The following NCOA2 variants were observed in gnomAD, a reference collection of about 807,000 sequenced individuals.
NCOA2 encodes the protein class E basic helix-loop-helix protein 75.
Under a neutral mutation model 145.1 loss-of-function variants are expected in NCOA2, and 21 were observed. That is an observed-to-expected ratio of 0.14 (90% CI 0.10 to 0.21). NCOA2 has a LOEUF of 0.21. Among genes scored for constraint, NCOA2 ranks in the 10% least tolerant of loss-of-function variants. The pLI, the probability that NCOA2 is intolerant of heterozygous loss-of-function variation, is 1.00. For missense variants in NCOA2, 1,472 were observed against 1,837.6 expected, an observed-to-expected ratio of 0.80 and a Z score of 3.64; for synonymous variants, 619 against 637.5, an observed-to-expected ratio of 0.97 and a Z score of 0.44.
chr8:70,204,933 G>A (rs1220179552), intron 4 of NCOA2, among the ~76,000 whole-genome samples: 5 of 152,126 alleles, frequency 3.3e-5, no homozygotes, highest in South Asian at 2.1e-4. Context: ...GCTTGAACCC[G>A]GGAGGCAGAG....
intron 1 of NCOA2, among the ~76,000 whole-genome samples, chr8:70,317,858 G>C (rs528583523): frequency 4.2e-4 from 64 of 152,168 alleles, no homozygotes; most frequent in Admixed American, 1.4e-3. Context: ...CCAGGAATTC[G>C]AGGCTGCAGT....
intron 15 of NCOA2, among the ~76,000 whole-genome samples, chr8:70,133,393 T>C (rs1472870886): frequency 6.6e-6 from 1 of 152,010 alleles, no homozygotes; most frequent in Non-Finnish European, 1.5e-5. Flanking sequence ...TGGCTAATTT[T>C]TGTACATTTT....
chr8:70,331,831 A>C (rs1472462096), intron 1 of NCOA2, among the ~76,000 whole-genome samples: 1 of 152,198 alleles, frequency 6.6e-6, no homozygotes, highest in Non-Finnish European at 1.5e-5. Flanking sequence ...CAGTCCCAGC[A>C]AAGGCAGTAT....
At chr8:70,247,008 A>G (rs1822689037) in intron 2 of NCOA2, among the ~76,000 whole-genome samples, 1 of 152,198 alleles carries the variant, frequency 6.6e-6, no homozygotes, top group Admixed American at 6.5e-5. Context: ...AAAGTTATCT[A>G]TACAAAAAAT....
chr8:70,423,508 T>C, the NCOA2 span, among the ~76,000 whole-genome samples: 1 of 152,182 alleles, frequency 6.6e-6, no homozygotes, highest in Non-Finnish European at 1.5e-5. Context: ...TCCTCTGAAG[T>C]GCAGGAGATC....
At chr8:70,247,346 A>C (rs1822717196) in intron 2 of NCOA2, among the ~76,000 whole-genome samples, 1 of 152,212 alleles carries the variant, frequency 6.6e-6, no homozygotes. Flanking sequence ...TCATAATGAA[A>C]ACACAAAAAA....
At chr8:70,442,036 A>G in the NCOA2 span, among the ~76,000 whole-genome samples, 1 of 149,174 alleles carries the variant, frequency 6.7e-6, no homozygotes, top group Non-Finnish European at 1.5e-5. Flanking sequence ...GAGAAAAGAA[A>G]GAGAAAGAGA....
intron 1 of NCOA2, among the ~76,000 whole-genome samples, chr8:70,303,806 A>G (rs1328512757): frequency 6.6e-6 from 1 of 152,180 alleles, no homozygotes; most frequent in African/African-American, 2.4e-5. Flanking sequence ...GGGGGAAGAT[A>G]AGTTATTGGG....
In NCOA2 at chr8:70,174,940, T is replaced by A. The variant is rs2272671; in HGVS notation, c.260-81A>T. Reference sequence around the variant, plus strand: ...CACAGAAATGTTTTTACTGTAATGATTTTTAAAAATCTCTAGTGGGATCAG... The same window carrying A: ...CACAGAAATGTTTTTACTGTAATGAATTTTAAAAATCTCTAGTGGGATCAG... On this transcript the variant is annotated intron_variant, in intron 4 of 22. Transcript: ENST00000452400. 6.1e-6 allele frequency: 8 copies of A among 1,314,820 alleles called. No homozygotes were observed. In the East Asian group the frequency reaches 1.8e-4, roughly 30 times the overall value. 81.4% of individuals were successfully genotyped at this position (1,314,820 alleles called of 1,614,324 possible). A position where few individuals can be genotyped will look rare whatever the true frequency, so the allele number is the denominator to read the frequency against.
intron 1 of NCOA2, among the ~76,000 whole-genome samples, chr8:70,388,371 T>G (rs1812861629): frequency 6.6e-6 from 1 of 152,208 alleles, no homozygotes; most frequent in Non-Finnish European, 1.5e-5. Flanking sequence ...TCTTTAGGAT[T>G]CCTTTTCCCT....
At chr8:70,150,073 T>C (rs551731277) in intron 11 of NCOA2, among the ~76,000 whole-genome samples, 11 of 152,336 alleles carry the variant, frequency 7.2e-5, no homozygotes, top group Admixed American at 2.0e-4. Context: ...TTAGGAAGAA[T>C]AGAATGAAGT....
chr8:70,255,220 C>T (rs1563686342), intron 2 of NCOA2, among the ~76,000 whole-genome samples: 1 of 151,972 alleles, frequency 6.6e-6, no homozygotes, highest in African/African-American at 2.4e-5. Context: ...TGTTGTGTGC[C>T]CAAGGTTTCA....
chr8:70,280,937 A>G (rs1438603200), intron 2 of NCOA2, among the ~76,000 whole-genome samples: 2 of 151,994 alleles, frequency 1.3e-5, no homozygotes, highest in African/African-American at 4.8e-5. Context: ...AGAGCATGTC[A>G]CACGAGATAA....
At chr8:70,136,099 C>T (rs114609915) in intron 15 of NCOA2, among the ~76,000 whole-genome samples, 1,813 of 152,238 alleles carry the variant, frequency 0.012, 51 homozygotes, top group African/African-American at 0.042. Flanking sequence ...TTAGGCTGGG[C>T]GCGGTGGCTC....
intron 4 of NCOA2, among the ~76,000 whole-genome samples, chr8:70,194,180 A>T (rs1817005116): frequency 6.6e-6 from 1 of 152,222 alleles, no homozygotes; most frequent in Non-Finnish European, 1.5e-5. Flanking sequence ...GCAAAGATGC[A>T]ATTTCATATC....
upstream of NCOA2, among the ~76,000 whole-genome samples, chr8:70,408,529 T>A (rs529765376): frequency 4.6e-5 from 7 of 152,306 alleles, no homozygotes; most frequent in Non-Finnish European, 7.4e-5. Context: ...CTGGGCACAG[T>A]GGCACATGCT....
chr8:70,377,788 C>T (rs1287216986), intron 1 of NCOA2, among the ~76,000 whole-genome samples: 1 of 152,092 alleles, frequency 6.6e-6, no homozygotes, highest in African/African-American at 2.4e-5. Flanking sequence ...ACAGTTCTTG[C>T]ACAAAATCTA....
At chr8:70,215,963 T>C (rs1400114476) in intron 3 of NCOA2, among the ~76,000 whole-genome samples, 1 of 152,246 alleles carries the variant, frequency 6.6e-6, no homozygotes, top group Non-Finnish European at 1.5e-5. Flanking sequence ...ATCTTTATCC[T>C]AGCTGAACTG....
intron 1 of NCOA2, among the ~76,000 whole-genome samples, chr8:70,303,850 G>C (rs1289739326): frequency 6.6e-6 from 1 of 151,992 alleles, no homozygotes; most frequent in African/African-American, 2.4e-5. Context: ...GAGGTAAAAG[G>C]CTCAGGGATA....
Sources: allele counts gnomAD v4.1 joint callset (sites outside exome capture counted in the v4.1 genomes callset), GRCh38; gene constraint gnomAD v4.1.1; transcripts MANE v1.5; gene names NCBI Gene and HGNC (gene_info 2026-07-23, HGNC 2026-07-21).